Variants in EPHB1 observed in about 807,000 individuals in gnomAD.
EPHB1 encodes the protein ephrin type-B receptor 1.
In EPHB1, 30 loss-of-function variants were observed where a neutral mutation model predicts 94.4. The observed-to-expected ratio is 0.32, with a 90% confidence interval of 0.24 to 0.43. EPHB1 has a LOEUF of 0.43. EPHB1 is among the 20% of genes least tolerant of loss of function. The probability of loss-of-function intolerance (pLI) is 1.00; values close to 1 mark genes in which losing one functional copy is unlikely to be tolerated. For synonymous variants in EPHB1, 522 were observed against 489.1 expected (o/e 1.07, Z -0.89); for missense variants, 1,055 against 1,308.3 (o/e 0.81, Z 2.99).
chr3:135,202,215 C>A (rs1942776618), intron 12 of EPHB1, among the ~76,000 whole-genome samples: 1 of 152,178 alleles, frequency 6.6e-6, no homozygotes, highest in Non-Finnish European at 1.5e-5. Flanking sequence ...CTGAGCAGCT[C>A]TAATTATCTA....
intron 1 of EPHB1, among the ~76,000 whole-genome samples, chr3:134,866,854 G>A (rs932915086): frequency 6.6e-6 from 1 of 152,194 alleles, no homozygotes; most frequent in Admixed American, 6.5e-5. Context: ...CACCCTGGGA[G>A]CAGAACTGCT....
intron 1 of EPHB1, among the ~76,000 whole-genome samples, chr3:134,866,728 G>A (rs2037387734): frequency 6.6e-6 from 1 of 152,194 alleles, no homozygotes; most frequent in Non-Finnish European, 1.5e-5. Flanking sequence ...TCACCACTTT[G>A]ATGAAACAAA....
chr3:135,166,042 G>T lies in EPHB1; in HGVS notation c.1660G>T (p.Val554Leu), dbSNP rs536013299. The change falls in exon 8 of 16, where the codon GTG (valine) becomes TTG (leucine). Residue 554 changes from valine (V) to leucine (L), a missense_variant. Val to Leu is a conservative substitution (Grantham distance 32). Transcript: ENST00000398015. The stretch of plus-strand genomic sequence containing the variant: ...GGCAGCGGCCGGGGTCGTGTTCGTT[G>T]TGTCCTTGGTGGCCATCTCTATCGT... ...GSAAAGVVFV[V>L]SLVAISIVCS... 8.7e-6 allele frequency: 14 copies of T among 1,613,752 alleles called. No individual in the cohort carries two copies. Among genetic ancestry groups the T allele is most frequent in the Middle Eastern group, 3.3e-4 (2 of 6,084 alleles).
chr3:135,207,859 G>C (rs1287162931), intron 12 of EPHB1, among the ~76,000 whole-genome samples: 1 of 152,142 alleles, frequency 6.6e-6, no homozygotes, highest in African/African-American at 2.4e-5. Flanking sequence ...CCTTTTGTTG[G>C]CATGTGCACA....
intron 3 of EPHB1, among the ~76,000 whole-genome samples, chr3:135,002,281 G>A (rs974894666): frequency 1.3e-5 from 2 of 152,146 alleles, no homozygotes; most frequent in Non-Finnish European, 2.9e-5. Flanking sequence ...AACCAGCCTT[G>A]CATCCCAGGG....
At chr3:135,004,539 T>C (rs1935319622) in intron 3 of EPHB1, among the ~76,000 whole-genome samples, 1 of 152,192 alleles carries the variant, frequency 6.6e-6, no homozygotes, top group South Asian at 2.1e-4. Flanking sequence ...TCCTGGATAA[T>C]ATCCTGCAGA....
chr3:134,933,710 T>C (rs2038945800), intron 2 of EPHB1, among the ~76,000 whole-genome samples: 1 of 152,114 alleles, frequency 6.6e-6, no homozygotes, highest in Admixed American at 6.5e-5. Context: ...ATGCTGACCT[T>C]TAACCTCCTG....
intron 13 of EPHB1, 39 bp downstream of exon 13, chr3:135,241,336 T>C: frequency 6.2e-7 from 1 of 1,611,808 alleles, no homozygotes. Context: ...AAACCCCCAT[T>C]GAAGGGATCC....
chr3:135,116,980 C>T (rs1939746638), intron 4 of EPHB1, among the ~76,000 whole-genome samples: 1 of 152,238 alleles, frequency 6.6e-6, no homozygotes, highest in African/African-American at 2.4e-5. Flanking sequence ...TCACTGATGG[C>T]TTCACTTGGG....
chr3:135,057,098 CT>C (rs1937371821), intron 3 of EPHB1, among the ~76,000 whole-genome samples: 1 of 152,190 alleles, frequency 6.6e-6, no homozygotes, highest in Non-Finnish European at 1.5e-5. Context: ...TTCCTGCTGC[CT>C]CTGCTCCCAG....
chr3:135,032,732 TA>T (rs1044887467), intron 3 of EPHB1, among the ~76,000 whole-genome samples: 9 of 152,344 alleles, frequency 5.9e-5, no homozygotes, highest in South Asian at 2.1e-4. Context: ...TTACAATTTT[TA>T]AGGAGAAAAT....
chr3:135,105,824 T>A (rs1229279638), intron 3 of EPHB1, among the ~76,000 whole-genome samples: 1 of 152,188 alleles, frequency 6.6e-6, no homozygotes, highest in Non-Finnish European at 1.5e-5. Flanking sequence ...CAAAATGCAA[T>A]TAAAGGAGAA....
Position 134,934,393 on chromosome 3 carries a change from A to G in EPHB1, c.123+8513A>G, listed in dbSNP as rs150777211. ...CAAGTGATGGAAGGCAGTGGCCACGAGATTCAGATGCTGCTCTGGGAAGAG... is the reference window on the plus strand; with the variant it reads ...CAAGTGATGGAAGGCAGTGGCCACGGGATTCAGATGCTGCTCTGGGAAGAG... On this transcript the variant is annotated intron_variant, in intron 2 of 15. Transcript: ENST00000398015. 5.3e-5 allele frequency among the ~76,000 whole-genome samples: 8 copies of G among 152,230 alleles called. No homozygotes were observed. In the East Asian group the frequency reaches 1.5e-3, roughly 29 times the overall value.
At chr3:135,098,267 A>T (rs964095532) in intron 3 of EPHB1, among the ~76,000 whole-genome samples, 3 of 152,218 alleles carry the variant, frequency 2.0e-5, no homozygotes, top group Admixed American at 1.3e-4. Context: ...AAACATTGAT[A>T]AAGTACAGAA....
intron 3 of EPHB1, among the ~76,000 whole-genome samples, chr3:135,103,151 AAG>A (rs1463662121): frequency 1.3e-5 from 2 of 152,152 alleles, no homozygotes; most frequent in Admixed American, 1.3e-4. Context: ...AAAAAGAAAA[AAG>A]AAAAAAAAAT....
intron 4 of EPHB1, among the ~76,000 whole-genome samples, chr3:135,111,073 G>A (rs1466464182): frequency 6.6e-6 from 1 of 152,206 alleles, no homozygotes; most frequent in Non-Finnish European, 1.5e-5. Flanking sequence ...TCTGCAGCCA[G>A]GTTTGGTGGC....
At chr3:135,204,333 A>G (rs1434550202) in intron 12 of EPHB1, among the ~76,000 whole-genome samples, 1 of 152,082 alleles carries the variant, frequency 6.6e-6, no homozygotes, top group African/African-American at 2.4e-5. Flanking sequence ...CCTCCCAAGT[A>G]GCTGGGATTA....
chr3:135,206,861 G>A (rs1391810912), intron 12 of EPHB1, among the ~76,000 whole-genome samples: 1 of 151,804 alleles, frequency 6.6e-6, no homozygotes, highest in African/African-American at 2.4e-5. Flanking sequence ...AAAAAAAAGT[G>A]TCTTACTGTC....
chr3:135,108,332 C>A (rs1939302718), intron 4 of EPHB1, among the ~76,000 whole-genome samples: 1 of 152,146 alleles, frequency 6.6e-6, no homozygotes, highest in African/African-American at 2.4e-5. Context: ...TTAATGAATC[C>A]TGTTAATCTC....
Sources: gnomAD v4.1 joint callset for allele counts (sites outside exome capture counted in the v4.1 genomes callset) on GRCh38, gnomAD v4.1.1 for gene constraint, MANE v1.5 for transcripts, NCBI Gene and HGNC (gene_info 2026-07-23, HGNC 2026-07-21) for gene names.